KLF8: variants seen among roughly 807,000 people sequenced by gnomAD.
KLF8 encodes the protein KLF transcription factor 8.
KLF8 carries 10 observed loss-of-function variants against 18.2 expected under a neutral mutation model. The observed-to-expected ratio is 0.55, with a 90% CI of 0.34 to 0.93. The LOEUF is 0.93. KLF8 is among the 40% of genes least tolerant of loss of function. The probability of loss-of-function intolerance (pLI) is 0.02; values close to 1 mark genes in which losing one functional copy is unlikely to be tolerated. For synonymous variants in KLF8, 109 were observed against 97.3 expected (o/e 1.12, Z -0.71); for missense variants, 264 against 277.9 (o/e 0.95, Z 0.36).
In KLF8 at chrX:56,233,327, C is replaced by T; in HGVS notation, c.-8C>T. The T allele has an allele frequency of 8.3e-7, 1 of 1,199,415 alleles. No individual in the cohort carries two copies. Among genetic ancestry groups the T allele is most frequent in the Non-Finnish European group, 1.1e-6 (1 of 884,326 alleles). ...TTCTGGACACTTCAGGAGTCCTCAG[C>T]TAGTGACATGGTCGGTAAGTGACTC... On this transcript the variant is annotated 5_prime_UTR_variant, in exon 1 of 6. Coordinates refer to ENST00000468660, the MANE Select transcript of KLF8 (RefSeq NM_007250.5).
chrX:56,221,855 G>A, the KLF8 span, among the ~76,000 whole-genome samples: 1 of 111,731 alleles, frequency 9.0e-6, no homozygotes, highest in African/African-American at 3.3e-5. Flanking sequence ...GGTTGCCACT[G>A]CTGGCTCGGG....
At chrX:55,970,358 T>A in the KLF8 span, among the ~76,000 whole-genome samples, 786 of 110,207 alleles carry the variant, frequency 7.1e-3, 3 homozygotes, top group Non-Finnish European at 0.012. Flanking sequence ...GAAAAAAAAA[T>A]TTGATAAAAT....
chrX:56,205,591 T>C, the KLF8 span, among the ~76,000 whole-genome samples: 2 of 112,478 alleles, frequency 1.8e-5, no homozygotes, highest in African/African-American at 6.5e-5. Context: ...TTTGCATCAA[T>C]ATTCATTAGA....
chrX:56,204,702 A>AT, the KLF8 span, among the ~76,000 whole-genome samples: 2 of 110,708 alleles, frequency 1.8e-5, no homozygotes, highest in Admixed American at 1.9e-4. Context: ...TTTCTCCTTC[A>AT]TTTTTTTAAG....
At chrX:56,281,027 A>G (rs1455442232) in intron 5 of KLF8, among the ~76,000 whole-genome samples, 3 of 111,991 alleles carry the variant, frequency 2.7e-5, no homozygotes, top group Non-Finnish European at 5.6e-5. Context: ...TTTTAGACTA[A>G]CTTTTAGTCT....
the KLF8 span, among the ~76,000 whole-genome samples, chrX:56,213,922 A>C: frequency 9.0e-6 from 1 of 111,515 alleles, no homozygotes; most frequent in Admixed American, 9.5e-5. Context: ...ATTGAAGGAT[A>C]GTAAATTCAG....
At chrX:56,025,435 A>G in the KLF8 span, among the ~76,000 whole-genome samples, 1 of 111,517 alleles carries the variant, frequency 9.0e-6, no homozygotes, top group African/African-American at 3.3e-5. Context: ...TCCTTTTTGG[A>G]GCCAAACAAG....
At chrX:56,096,990 T>C in the KLF8 span, among the ~76,000 whole-genome samples, 1 of 110,659 alleles carries the variant, frequency 9.0e-6, no homozygotes, top group South Asian at 3.8e-4. Flanking sequence ...AAAGACACAA[T>C]GTCAAAGCAC....
At chrX:56,111,176 G>A in the KLF8 span, among the ~76,000 whole-genome samples, 1 of 112,494 alleles carries the variant, frequency 8.9e-6, no homozygotes, top group Admixed American at 9.4e-5. Context: ...TATGGTTTCT[G>A]ATGATAAATC....
At chrX:56,051,780 G>T in the KLF8 span, among the ~76,000 whole-genome samples, 1 of 107,234 alleles carries the variant, frequency 9.3e-6, no homozygotes, top group African/African-American at 3.7e-5. Flanking sequence ...TATCTTTGTG[G>T]TGTTCTCTGT....
At chrX:56,102,018 A>G in the KLF8 span, among the ~76,000 whole-genome samples, 1 of 111,283 alleles carries the variant, frequency 9.0e-6, no homozygotes, top group Non-Finnish European at 1.9e-5. Flanking sequence ...GCCAAAAATT[A>G]TTTCCTGAGA....
At position 56,265,592 on chromosome X, in the gene KLF8, C is replaced by T. The variant is rs778094890; in HGVS notation, c.494C>T (p.Ser165Leu). ...QILHVIHTIPSVSLPNKMGGL... is the reference protein window; with the variant it reads ...QILHVIHTIPLVSLPNKMGGL... ...TTACATGTCATTCACACTATCCCCT[C>T]AGTCAGTCTGCCAAATAAGATGGGT... The change falls in exon 3 of 6, where the codon TCA becomes TTA. Residue 165 changes from serine (S) to leucine (L), a missense_variant. Around this residue, in one of 2 missense-constraint regions of KLF8, gnomAD observed 221 missense variants for 193.6 expected, o/e 1.14. Transcript: ENST00000468660. 1 of 1,211,918 alleles carries T rather than the reference C, an allele frequency of 8.3e-7. No individual in the cohort carries two copies. Among genetic ancestry groups the T allele is most frequent in the East Asian group, 3.0e-5 (1 of 33,846 alleles).
the KLF8 span, among the ~76,000 whole-genome samples, chrX:56,194,846 A>G: frequency 8.9e-6 from 1 of 112,190 alleles, no homozygotes; most frequent in Non-Finnish European, 1.9e-5. Context: ...CCCCTCTGGG[A>G]CAAAGCTTCC....
chrX:56,249,774 CTG>C (rs1341269362), intron 1 of KLF8, among the ~76,000 whole-genome samples: 3 of 111,522 alleles, frequency 2.7e-5, no homozygotes, highest in South Asian at 3.8e-4. Flanking sequence ...AAAGAGAAAA[CTG>C]TTTTTATTAC....
chrX:56,192,147 T>G, the KLF8 span, among the ~76,000 whole-genome samples: 2 of 111,789 alleles, frequency 1.8e-5, no homozygotes, highest in Non-Finnish European at 1.9e-5. Flanking sequence ...AAAGTGAACA[T>G]GCAAAAATCA....
chrX:56,172,852 G>A, the KLF8 span, among the ~76,000 whole-genome samples: 1 of 112,069 alleles, frequency 8.9e-6, no homozygotes, highest in African/African-American at 3.2e-5. Flanking sequence ...TTCTCTGATA[G>A]CCAGTGATGA....
chrX:56,074,039 C>T, the KLF8 span, among the ~76,000 whole-genome samples: 2 of 111,984 alleles, frequency 1.8e-5, no homozygotes, highest in East Asian at 2.8e-4. Flanking sequence ...TGAGCCAACG[C>T]GCCTGGCAGT....
chrX:55,932,694 C>T, the KLF8 span, among the ~76,000 whole-genome samples: 1 of 111,838 alleles, frequency 8.9e-6, no homozygotes, highest in Non-Finnish European at 1.9e-5. Flanking sequence ...TGAACATTGG[C>T]CCCCACTCTC....
upstream of KLF8, among the ~76,000 whole-genome samples, chrX:56,231,847 C>G (rs1212340877): frequency 9.0e-6 from 1 of 110,771 alleles, no homozygotes; most frequent in East Asian, 2.9e-4. Context: ...TGCTGGGCCA[C>G]GCTGTATTCA....
Sources: gnomAD v4.1 joint callset for allele counts (sites outside exome capture counted in the v4.1 genomes callset) on GRCh38, gnomAD v4.1.1 for gene constraint, gnomAD v4.1.1 regional missense constraint, MANE v1.5 for transcripts, NCBI Gene and HGNC (gene_info 2026-07-23, HGNC 2026-07-21) for gene names.